Variants in UHMK1 observed in about 807,000 individuals in gnomAD.
UHMK1 encodes the protein serine/threonine-protein kinase Kist.
A neutral mutation model predicts 44.0 loss-of-function variants in UHMK1; 18 were observed. The ratio of observed to expected loss-of-function variants is 0.41; its 90% CI spans 0.28 to 0.61. The LOEUF (loss-of-function observed/expected upper bound fraction) is 0.61. UHMK1 is among the 20% of genes least tolerant of loss of function. The pLI is 0.31. For missense variants in UHMK1, 463 were observed against 522.5 expected (o/e 0.89, Z 1.11); for synonymous variants, 231 against 198.5 (o/e 1.16, Z -1.38).
At chr1:162,502,422 C>T (rs1240096809) in intron 3 of UHMK1, among the ~76,000 whole-genome samples, 1 of 152,092 alleles carries the variant, frequency 6.6e-6, no homozygotes, top group Non-Finnish European at 1.5e-5. Context: ...GTAAAAATTG[C>T]TTTCTTGGGA....
At chr1:162,519,458 T>C (rs1476808120) in intron 7 of UHMK1, among the ~76,000 whole-genome samples, 2 of 152,162 alleles carry the variant, frequency 1.3e-5, no homozygotes, top group Non-Finnish European at 2.9e-5. Flanking sequence ...ATAGAAACTA[T>C]CAGTGATAGT....
In UHMK1 at chr1:162,522,505, G is replaced by T. The variant is rs759745274; in HGVS notation, c.1215G>T (p.Pro405=). Residue 405 remains proline (P), a synonymous_variant, in exon 8 of 8, where the codon CCG becomes CCT. Coordinates refer to ENST00000489294, the MANE Select transcript of UHMK1 (RefSeq NM_175866.5). ...AGTTTGTTGTGGCTACATTCTACCC[G>T]CTGAGTGCCTACAAGAGGGGATATC... ...DGKFVVATFY[P]LSAYKRGYLY... The T allele has an allele frequency of 3.9e-5, 63 of 1,614,002 alleles. No homozygotes were observed. Among genetic ancestry groups the T allele is most frequent in the Middle Eastern group, 3.3e-4 (2 of 6,084 alleles).
intron 4 of UHMK1, among the ~76,000 whole-genome samples, chr1:162,511,185 TTTTC>T (rs1651655111): frequency 8.6e-6 from 1 of 116,150 alleles, no homozygotes; most frequent in Non-Finnish European, 1.6e-5. Context: ...TCTTTTTTCT[TTTTC>T]TTTTTTTTTT....
At chr1:162,502,743 A>C (rs1299986570) in intron 3 of UHMK1, among the ~76,000 whole-genome samples, 1 of 152,216 alleles carries the variant, frequency 6.6e-6, no homozygotes, top group Admixed American at 6.5e-5. Context: ...TAGGCTCTAA[A>C]GTCAAGCTAC....
Position 162,498,276 on chromosome 1 carries a change from C to A in UHMK1, c.268+8C>A. On this transcript the variant is annotated splice_region_variant and intron_variant, in intron 1 of 7. Coordinates refer to ENST00000489294, the MANE Select transcript of UHMK1 (RefSeq NM_175866.5). ...AGGGTCACAGAAACATCGGTAATTG[C>A]CGCTGTCTCCTTTCTCTTCTTGCCC... 6.4e-7 allele frequency: 1 copy of A among 1,573,856 alleles called. No homozygotes were observed. The highest frequency in any genetic ancestry group is 8.7e-7 in the Non-Finnish European group (1 of 1,155,628).
chr1:162,518,082 T>A lies in UHMK1; in HGVS notation c.1025-20T>A. 6.5e-7 allele frequency: 1 copy of A among 1,530,920 alleles called. No homozygotes were observed. The allele number at this position is 1,530,920 out of a possible 1,614,324, so 94.8% of individuals were successfully genotyped here. ...GTTTATTATATCAGAGCAGTTACTG[T>A]TATGTGTTTTAATAATCAGATGTTG... On this transcript the variant is annotated intron_variant, in intron 6 of 7. Coordinates refer to ENST00000489294, the MANE Select transcript of UHMK1 (RefSeq NM_175866.5).
At chr1:162,507,810 T>G (rs1340797055) in intron 4 of UHMK1, among the ~76,000 whole-genome samples, 2 of 151,066 alleles carry the variant, frequency 1.3e-5, no homozygotes, top group Non-Finnish European at 3.0e-5. Context: ...ATGGTCTCGA[T>G]CTCCTGAACT....
chr1:162,507,051 C>T (rs1199784736), intron 4 of UHMK1, among the ~76,000 whole-genome samples: 1 of 151,834 alleles, frequency 6.6e-6, no homozygotes, highest in Non-Finnish European at 1.5e-5. Flanking sequence ...TTTTGGTTTT[C>T]ACTTTCATGT....
intron 4 of UHMK1, among the ~76,000 whole-genome samples, chr1:162,507,837 C>T (rs966880091): frequency 2.0e-5 from 3 of 152,012 alleles, no homozygotes; most frequent in East Asian, 1.9e-4. Context: ...CCGCCTGCTT[C>T]GGCCTCCCCA....
chr1:162,505,281 G>A (rs1244233232), intron 4 of UHMK1, among the ~76,000 whole-genome samples: 1 of 152,070 alleles, frequency 6.6e-6, no homozygotes, highest in Non-Finnish European at 1.5e-5. Context: ...TGTCTGCAGG[G>A]GCAGTAACAT....
At chr1:162,502,121 T>C (rs994990515) in intron 3 of UHMK1, among the ~76,000 whole-genome samples, 9 of 152,116 alleles carry the variant, frequency 5.9e-5, no homozygotes, top group Non-Finnish European at 8.8e-5. Flanking sequence ...GATACTGATA[T>C]TATCACAACA....
chr1:162,518,278 C>T lies in UHMK1; in HGVS notation c.1113+88C>T, dbSNP rs1030814336. 4.4e-6 allele frequency: 4 copies of T among 903,114 alleles called. No homozygotes were observed. In the African/African-American group the frequency reaches 6.7e-5, roughly 15 times the overall value. 55.9% of individuals were successfully genotyped at this position (903,114 alleles called of 1,614,324 possible). A position where few individuals can be genotyped will look rare whatever the true frequency, so the allele number is the denominator to read the frequency against. On this transcript the variant is annotated intron_variant, in intron 7 of 7. Coordinates refer to ENST00000489294, the MANE Select transcript of UHMK1 (RefSeq NM_175866.5). ...TTTAGTTCTGTAGGAAGATGTACAA[C>T]AAAATTTTGCTAAGGATTATGAGTT...
In UHMK1 at chr1:162,529,434, G is replaced by A. The variant is rs928869712; in HGVS notation, c.*6884G>A. 6.6e-6 allele frequency: 1 copy of A among 152,086 alleles called. No individual in the cohort carries two copies. Among genetic ancestry groups the A allele is most frequent in the African/African-American group, 2.4e-5 (1 of 41,420 alleles). 9.4% of individuals were successfully genotyped at this position (152,086 alleles called of 1,614,324 possible). On this transcript the variant is annotated 3_prime_UTR_variant, in exon 8 of 8. Coordinates refer to ENST00000489294, the MANE Select transcript of UHMK1 (RefSeq NM_175866.5). Reference sequence around the variant, plus strand: ...TTCCACTTTCCTATATTCCTAAAAAGTGTGAACAATGCGTTTCAGTTGACT... The same window carrying A: ...TTCCACTTTCCTATATTCCTAAAAAATGTGAACAATGCGTTTCAGTTGACT...
intron 6 of UHMK1, 174 bp downstream of exon 6, chr1:162,512,997 G>T: frequency 1.6e-6 from 1 of 634,228 alleles, no homozygotes; most frequent in East Asian, 3.6e-5. Flanking sequence ...TTGTTGCCCA[G>T]GCTGGAGTGC....
chr1:162,503,794 A>T lies in UHMK1; in HGVS notation c.794A>T (p.Lys265Ile), dbSNP rs543624134. The T allele has an allele frequency of 5.6e-6, 9 of 1,614,136 alleles. No homozygotes were observed. Among genetic ancestry groups the T allele is most frequent in the Non-Finnish European group, 7.6e-6 (9 of 1,180,014 alleles). Reference protein sequence around the residue: ...SAIIDHIFASKAVVNAAIPAY... With the variant: ...SAIIDHIFASIAVVNAAIPAY... ...ATTATTGATCACATATTTGCCAGTAAAGCAGTGGTGAATGCCGCAATTCCA... is the reference window on the plus strand; with the variant it reads ...ATTATTGATCACATATTTGCCAGTATAGCAGTGGTGAATGCCGCAATTCCA... Residue 265 changes from lysine to isoleucine, a missense_variant, in exon 4 of 8, where the codon AAA (lysine) becomes ATA (isoleucine). This residue lies in a region of UHMK1 where 264 missense variants were observed against 326.3 expected (regional missense o/e 0.81). Transcript: ENST00000489294.
intron 4 of UHMK1, 145 bp from the exon 5 acceptor site, chr1:162,512,355 A>G (rs1429523921): frequency 3.1e-6 from 2 of 651,100 alleles, no homozygotes; most frequent in East Asian, 2.7e-5. Flanking sequence ...AATAAATAGC[A>G]TTTGTATTTA....
Position 162,517,977 on chromosome 1 carries a change from C to A in UHMK1, c.1025-125C>A, listed in dbSNP as rs1300979208. 7 of 616,588 alleles carry A rather than the reference C, an allele frequency of 1.1e-5. No homozygotes were observed. In the East Asian group the frequency reaches 1.7e-4, roughly 15 times the overall value. The allele number at this position is 616,588 out of a possible 1,614,324, so 38.2% of individuals were successfully genotyped here. A position where few individuals can be genotyped will look rare whatever the true frequency, so the allele number is the denominator to read the frequency against. ...TTGAATCATTTGAATGTCAACTATT[C>A]AAGACATAAAATGACCTCATTACTA... On this transcript the variant is annotated intron_variant, in intron 6 of 7. Transcript: ENST00000489294.
chr1:162,514,419 A>G (rs1651768062), intron 6 of UHMK1, among the ~76,000 whole-genome samples: 1 of 152,338 alleles, frequency 6.6e-6, no homozygotes, highest in East Asian at 1.9e-4. Context: ...AATAGTACCT[A>G]TCTTGTAGAG....
chr1:162,516,056 G>C (rs1317995062), intron 6 of UHMK1, among the ~76,000 whole-genome samples: 1 of 151,782 alleles, frequency 6.6e-6, no homozygotes, highest in East Asian at 1.9e-4. Context: ...CAACAAAACT[G>C]AAGCTTGGCC....
Sources: allele counts gnomAD v4.1 joint callset (sites outside exome capture counted in the v4.1 genomes callset), GRCh38; gene constraint gnomAD v4.1.1; regional missense constraint gnomAD v4.1.1; transcripts MANE v1.5; gene names NCBI Gene and HGNC (gene_info 2026-07-23, HGNC 2026-07-21).